MIGA1: variants seen among roughly 807,000 people sequenced by gnomAD.
MIGA1 encodes mitoguardin 1, also known as family with sequence similarity 73, member A.
A neutral mutation model predicts 82.0 loss-of-function variants in MIGA1; 58 were observed. The observed-to-expected ratio is 0.71, with a 90% confidence interval of 0.57 to 0.88. MIGA1 has a LOEUF of 0.88. Ranked by LOEUF, MIGA1 falls within the 40% of genes least tolerant of loss-of-function variation. MIGA1 has a pLI of 0.00. For synonymous variants in MIGA1, 249 were observed against 253.6 expected (o/e 0.98, Z 0.17); for missense variants, 751 against 749.1 (o/e 1.00, Z -0.03).
At chr1:77,859,980 G>A (rs926154541) in intron 10 of MIGA1, 60 bp from the exon 11 acceptor site, 60 of 1,061,862 alleles carry the variant, frequency 5.7e-5, no homozygotes, top group Non-Finnish European at 8.1e-5. Flanking sequence ...CTATTAAGTT[G>A]AATGTCCATT....
intron 2 of MIGA1, among the ~76,000 whole-genome samples, chr1:77,799,237 G>A (rs897959162): frequency 2.6e-5 from 4 of 152,108 alleles, no homozygotes; most frequent in Non-Finnish European, 1.5e-5. Flanking sequence ...TCAAGATGAT[G>A]CACAACCATT....
chr1:77,784,766 C>A (rs7525039), intron 2 of MIGA1, among the ~76,000 whole-genome samples: 2 of 152,070 alleles, frequency 1.3e-5, no homozygotes, highest in African/African-American at 2.4e-5. Context: ...AAAAGAAAGA[C>A]GTTTATTGGA....
At chr1:77,848,364 G>T in intron 8 of MIGA1, 2 of 1,000,156 alleles carry the variant, frequency 2.0e-6, no homozygotes, top group South Asian at 1.5e-5. Flanking sequence ...AGAGAAGGAA[G>T]AGAAAAGCAA....
rs1165289359 is a variant in MIGA1 at position 77,803,355 on chromosome 1, T to G, written c.459T>G (p.Ala153=). 6.4e-7 allele frequency: 1 copy of G among 1,568,254 alleles called. No homozygotes were observed. Among genetic ancestry groups the G allele is most frequent in the Non-Finnish European group, 8.7e-7 (1 of 1,154,668 alleles). The change falls in exon 4 of 16, where the codon GCT becomes GCG. Residue 153 remains alanine, a synonymous_variant. Coordinates refer to ENST00000370791, the MANE Select transcript of MIGA1 (RefSeq NM_198549.4). ...AAGGATCTCAAGTTTGTAACTATGC[T>G]AATGGAGGACTTTTCAGTAAATATT...
chr1:77,824,851 A>G (rs1207261720), intron 7 of MIGA1, among the ~76,000 whole-genome samples: 1 of 152,078 alleles, frequency 6.6e-6, no homozygotes, highest in Non-Finnish European at 1.5e-5. Flanking sequence ...TCTATAATTT[A>G]TTGTTTGCCA....
At chr1:77,799,212 A>G (rs1682777271) in intron 2 of MIGA1, among the ~76,000 whole-genome samples, 1 of 152,152 alleles carries the variant, frequency 6.6e-6, no homozygotes, top group African/African-American at 2.4e-5. Context: ...TCCCCAACTT[A>G]ACAATTTTTT....
chr1:77,847,830 A>G (rs1303486416), intron 8 of MIGA1: 1 of 1,607,360 alleles, frequency 6.2e-7, no homozygotes, highest in African/African-American at 1.3e-5. Flanking sequence ...AGAGAAATGC[A>G]TTCTTCAAAC....
At chr1:77,853,866 C>T in intron 8 of MIGA1, 1 of 264,098 alleles carries the variant, frequency 3.8e-6, no homozygotes, top group Non-Finnish European at 7.7e-6. Context: ...GTTACTTTCC[C>T]AGAATATGGA....
chr1:77,874,988 T>G lies in MIGA1; in HGVS notation c.1823T>G (p.Leu608Arg). Residue 608 changes from leucine to arginine, a missense_variant, in exon 16 of 16, where the codon CTG becomes CGG. Leu to Arg is a moderately radical substitution (Grantham distance 102). Transcript: ENST00000370791. ...ATGGCCTATCTTGAAGCAGATGCCC[T>G]GAGGCATACAAGTAGTTGTCTAAGC... is the stretch of plus-strand genomic sequence containing the variant. 1.2e-6 allele frequency: 2 copies of G among 1,614,208 alleles called. No homozygotes were observed. Among genetic ancestry groups the G allele is most frequent in the Non-Finnish European group, 1.7e-6 (2 of 1,180,026 alleles).
chr1:77,835,471 C>T (rs1321869339), intron 7 of MIGA1, among the ~76,000 whole-genome samples: 1 of 152,062 alleles, frequency 6.6e-6, no homozygotes. Context: ...AGCTACTTCA[C>T]TGAGAGCCAG....
chr1:77,798,048 C>T (rs2101737379), intron 2 of MIGA1, among the ~76,000 whole-genome samples: 1 of 152,312 alleles, frequency 6.6e-6, no homozygotes, highest in South Asian at 2.1e-4. Context: ...CACCATTAAG[C>T]ATGATCTTAG....
chr1:77,818,426 A>G (rs1164847916), intron 7 of MIGA1, among the ~76,000 whole-genome samples: 2 of 152,086 alleles, frequency 1.3e-5, no homozygotes, highest in Non-Finnish European at 2.9e-5. Flanking sequence ...TCCTGCTGAG[A>G]TAATTTTCAT....
intron 7 of MIGA1, among the ~76,000 whole-genome samples, chr1:77,841,570 A>G (rs1019328280): frequency 2.8e-5 from 4 of 141,610 alleles, no homozygotes; most frequent in African/African-American, 7.9e-5. Context: ...TGCTTTGAAT[A>G]AAAAAAAAAA....
chr1:77,866,887 C>T (rs1685692459), intron 14 of MIGA1, among the ~76,000 whole-genome samples: 2 of 151,954 alleles, frequency 1.3e-5, no homozygotes, highest in South Asian at 4.2e-4. Context: ...ACCATGTTGG[C>T]CAGGCTGGTC....
intron 7 of MIGA1, among the ~76,000 whole-genome samples, chr1:77,836,530 G>A (rs773571235): frequency 6.6e-6 from 1 of 152,306 alleles, no homozygotes; most frequent in South Asian, 2.1e-4. Context: ...CTTGAATAAA[G>A]AATGCGTTTG....
chr1:77,869,562 G>A (rs1438977990), intron 14 of MIGA1, among the ~76,000 whole-genome samples: 5 of 138,516 alleles, frequency 3.6e-5, no homozygotes, highest in African/African-American at 5.5e-5. Context: ...GCGGCTGGCC[G>A]GGCGGGGGGC....
intron 5 of MIGA1, among the ~76,000 whole-genome samples, chr1:77,810,638 G>A (rs1018952406): frequency 3.3e-5 from 5 of 151,864 alleles, no homozygotes; most frequent in African/African-American, 1.2e-4. Context: ...GTAAAAACAT[G>A]TTTCAAAATC....
chr1:77,785,160 C>T (rs890246583), intron 2 of MIGA1, among the ~76,000 whole-genome samples: 3 of 152,178 alleles, frequency 2.0e-5, no homozygotes, highest in African/African-American at 7.2e-5. Flanking sequence ...TCCAAAGTCT[C>T]ATCTGAGACA....
At chr1:77,842,549 T>G (rs7524521) in intron 7 of MIGA1, among the ~76,000 whole-genome samples, 103,829 of 152,034 alleles carry the variant, frequency 0.68, 37,368 homozygotes, top group Non-Finnish European at 0.81. Context: ...ATTGTTTTTT[T>G]TTGTTGTTGT....
Sources: allele counts gnomAD v4.1 joint callset (sites outside exome capture counted in the v4.1 genomes callset), GRCh38; gene constraint gnomAD v4.1.1; transcripts MANE v1.5; gene names NCBI Gene and HGNC (gene_info 2026-07-23, HGNC 2026-07-21).